Variants in ADGRL2 observed in about 807,000 individuals in gnomAD.
ADGRL2 encodes calcium-independent alpha-latrotoxin receptor 2.
A neutral mutation model predicts 157.4 loss-of-function variants in ADGRL2; 44 were observed. The observed-to-expected ratio is 0.28, with a 90% CI of 0.22 to 0.36. The LOEUF (loss-of-function observed/expected upper bound fraction) is 0.36, where lower values mean the gene tolerates loss of function less well. Ranked by LOEUF, ADGRL2 falls within the 10% of genes least tolerant of loss-of-function variation. ADGRL2 has a pLI of 1.00. For synonymous variants in ADGRL2, 585 were observed against 624.7 expected (o/e 0.94, Z 0.95); for missense variants, 1,510 against 1,768.9 (o/e 0.85, Z 2.63).
At chr1:81,854,706 G>T (rs544115054) in intron 2 of ADGRL2, among the ~76,000 whole-genome samples, 2 of 152,260 alleles carry the variant, frequency 1.3e-5, no homozygotes, top group South Asian at 2.1e-4. Flanking sequence ...AGAGAGAGCT[G>T]CATAGGTGGC....
intron 1 of ADGRL2, among the ~76,000 whole-genome samples, chr1:81,725,859 G>T (rs1180499249): frequency 6.6e-6 from 1 of 151,966 alleles, no homozygotes; most frequent in Non-Finnish European, 1.5e-5. Context: ...GGTGCACGCC[G>T]GTAGTCCCCG....
chr1:81,447,297 G>A (rs576498646), intron 2 of ADGRL2, among the ~76,000 whole-genome samples: 1 of 152,172 alleles, frequency 6.6e-6, no homozygotes, highest in South Asian at 2.1e-4. Context: ...TTGACAGCAA[G>A]GCAAGTAACA....
At chr1:81,911,660 T>C (rs1557895807) in intron 3 of ADGRL2, among the ~76,000 whole-genome samples, 1 of 152,206 alleles carries the variant, frequency 6.6e-6, no homozygotes, top group Non-Finnish European at 1.5e-5. Flanking sequence ...ATTATGTAAA[T>C]ATTTACTGGT....
In ADGRL2 at chr1:81,471,647, G is replaced by A. The variant is rs2078175095; in HGVS notation, c.-248+26558G>A. 6.6e-5 allele frequency among the ~76,000 whole-genome samples: 10 copies of A among 152,302 alleles called. No individual in the cohort carries two copies. The South Asian group carries it at 2.1e-3, about 32-fold the overall frequency. On this transcript the variant is annotated intron_variant, in intron 2 of 24. Coordinates refer to the ADGRL2 transcript ENST00000370721. Reference sequence around the variant, plus strand: ...CGTAAACAGTTGTTGAATAGAAACAGTTTTAAGCCTGAATCGAATTAAAAT... The same window carrying A: ...CGTAAACAGTTGTTGAATAGAAACAATTTTAAGCCTGAATCGAATTAAAAT...
chr1:81,334,318 A>G (rs1242679304), intron 1 of ADGRL2, among the ~76,000 whole-genome samples: 2 of 152,196 alleles, frequency 1.3e-5, no homozygotes, highest in East Asian at 3.9e-4. Context: ...TGTGTATATT[A>G]CATTTTTTCA....
At chr1:81,313,669 A>T (rs973204866) in intron 1 of ADGRL2, among the ~76,000 whole-genome samples, 1 of 152,068 alleles carries the variant, frequency 6.6e-6, no homozygotes, top group African/African-American at 2.4e-5. Context: ...TTCTAAGAGG[A>T]CTCTCCTTCT....
intron 2 of ADGRL2, among the ~76,000 whole-genome samples, chr1:81,868,890 G>A (rs890081094): frequency 8.5e-5 from 13 of 152,068 alleles, no homozygotes; most frequent in African/African-American, 1.4e-4. Context: ...GATACTGTCC[G>A]TATTTAGTAA....
At chr1:81,408,637 A>G (rs187707674) in intron 1 of ADGRL2, among the ~76,000 whole-genome samples, 1 of 152,190 alleles carries the variant, frequency 6.6e-6, no homozygotes, top group East Asian at 1.9e-4. Context: ...ACCCTTGTTC[A>G]CTCGTGCATA....
chr1:81,560,835 C>T (rs187968532), intron 2 of ADGRL2, among the ~76,000 whole-genome samples: 7 of 152,236 alleles, frequency 4.6e-5, no homozygotes, highest in South Asian at 2.1e-4. Flanking sequence ...ATCTGCACCA[C>T]GGCCCGGTCC....
At chr1:81,386,056 A>T (rs1418210397) in intron 1 of ADGRL2, among the ~76,000 whole-genome samples, 1 of 152,160 alleles carries the variant, frequency 6.6e-6, no homozygotes, top group Admixed American at 6.5e-5. Flanking sequence ...TTTTCTGTTT[A>T]AATAGCGCAA....
chr1:81,656,882 C>A (rs2082545136), intron 3 of ADGRL2, among the ~76,000 whole-genome samples: 1 of 151,758 alleles, frequency 6.6e-6, no homozygotes, highest in East Asian at 1.9e-4. Context: ...TGGTGGCACA[C>A]ACCTGTGGTT....
intron 3 of ADGRL2, among the ~76,000 whole-genome samples, chr1:81,645,363 T>G (rs991095327): frequency 3.5e-5 from 5 of 144,348 alleles, no homozygotes; most frequent in Non-Finnish European, 7.5e-5. Context: ...CTGCATTCCA[T>G]TCCAGCCTGG....
In ADGRL2 at chr1:81,716,720, G is replaced by A. The variant is rs575846836; in HGVS notation, c.-143+16912G>A. On this transcript the variant is annotated intron_variant, in intron 1 of 20. Coordinates refer to the ADGRL2 transcript ENST00000359929. ...TAATCCAGGTTTGAAACCACCAAAA[G>A]GAGCATAAAAGGGTAAAGCAAAAAT... is the stretch of plus-strand genomic sequence containing the variant. Among the ~76,000 whole-genome samples the A allele has an allele frequency of 1.2e-4, 19 of 152,168 alleles. No homozygotes were observed. In the East Asian group the frequency reaches 2.9e-3, roughly 23 times the overall value.
chr1:81,387,464 T>A (rs941156938), intron 1 of ADGRL2, among the ~76,000 whole-genome samples: 1 of 152,186 alleles, frequency 6.6e-6, no homozygotes, highest in African/African-American at 2.4e-5. Context: ...TATTTATGAT[T>A]TGTTTTCTAT....
At chr1:81,583,576 G>A (rs1054551040) in intron 3 of ADGRL2, among the ~76,000 whole-genome samples, 2 of 152,028 alleles carry the variant, frequency 1.3e-5, no homozygotes, top group Non-Finnish European at 2.9e-5. Context: ...TACTCTTCAC[G>A]TTGGTTGCAA....
intron 1 of ADGRL2, among the ~76,000 whole-genome samples, chr1:81,362,295 A>AT (rs1204467667): frequency 6.6e-6 from 1 of 151,852 alleles, no homozygotes; most frequent in African/African-American, 2.4e-5. Context: ...ACATGAGAAG[A>AT]TTTTTCAAAA....
intron 1 of ADGRL2, among the ~76,000 whole-genome samples, chr1:81,381,465 A>G (rs1424052846): frequency 1.3e-5 from 2 of 152,096 alleles, no homozygotes; most frequent in East Asian, 1.9e-4. Context: ...AGTCCCAGTT[A>G]CTCAAGGGAC....
chr1:81,452,046 C>G (rs1350369060), intron 2 of ADGRL2, among the ~76,000 whole-genome samples: 1 of 152,144 alleles, frequency 6.6e-6, no homozygotes, highest in Admixed American at 6.6e-5. Context: ...CTTTCCCTTT[C>G]AAGGCATCTA....
chr1:81,487,091 C>CAAAAAAAAAA (rs146122539), intron 2 of ADGRL2, among the ~76,000 whole-genome samples: 2 of 85,272 alleles, frequency 2.3e-5, no homozygotes, highest in Non-Finnish European at 4.1e-5. Flanking sequence ...CTCATCTCTA[C>CAAAAAAAAAA]AAAAAAAAAA....
Sources: allele counts gnomAD v4.1 joint callset (sites outside exome capture counted in the v4.1 genomes callset), GRCh38; gene constraint gnomAD v4.1.1; transcripts MANE v1.5; gene names NCBI Gene and HGNC (gene_info 2026-07-23, HGNC 2026-07-21).